Variants in LRMDA observed in about 807,000 individuals in gnomAD.
LRMDA encodes leucine rich melanocyte differentiation associated.
LRMDA carries 18 observed loss-of-function variants against 29.8 expected under a neutral mutation model. The ratio of observed to expected loss-of-function variants is 0.60; its 90% confidence interval spans 0.42 to 0.90. LRMDA has a LOEUF of 0.90. Among genes scored for constraint, LRMDA ranks in the 40% least tolerant of loss-of-function variants. The pLI, the probability that LRMDA is intolerant of heterozygous loss-of-function variation, is 0.00. For synonymous variants in LRMDA, 125 were observed against 109.4 expected, an observed-to-expected ratio of 1.14 and a Z score of -0.89; for missense variants, 273 against 273.9, an observed-to-expected ratio of 1.00 and a Z score of 0.02.
chr10:76,554,867 G>A (rs1843535256), intron 6 of LRMDA, among the ~76,000 whole-genome samples: 1 of 47,334 alleles, frequency 2.1e-5, no homozygotes, highest in Non-Finnish European at 7.4e-5. Context: ...ACTCATGGTG[G>A]GTGGTGTGTG....
intron 2 of LRMDA, among the ~76,000 whole-genome samples, chr10:76,031,793 C>G (rs188216889): frequency 6.6e-6 from 1 of 151,596 alleles, no homozygotes; most frequent in African/African-American, 2.4e-5. Flanking sequence ...GGAGATCTTG[C>G]TTTCTTGATT....
chr10:76,502,903 C>T (rs1192357893), intron 6 of LRMDA, among the ~76,000 whole-genome samples: 1 of 151,890 alleles, frequency 6.6e-6, no homozygotes, highest in Non-Finnish European at 1.5e-5. Flanking sequence ...TGACTGATTG[C>T]TCTGGCTAGG....
chr10:76,373,012 C>A (rs946031161), intron 6 of LRMDA, among the ~76,000 whole-genome samples: 2 of 152,100 alleles, frequency 1.3e-5, no homozygotes, highest in Non-Finnish European at 2.9e-5. Context: ...TTCAGGTGCT[C>A]ATTGCATATA....
intron 5 of LRMDA, among the ~76,000 whole-genome samples, chr10:76,165,738 C>T (rs964274212): frequency 1.1e-4 from 17 of 152,104 alleles, no homozygotes; most frequent in Admixed American, 7.2e-4. Flanking sequence ...CACCAGATAT[C>T]GTGAGAACTC....
intron 3 of LRMDA, among the ~76,000 whole-genome samples, chr10:76,045,660 T>C (rs1848427117): frequency 6.6e-6 from 1 of 152,118 alleles, no homozygotes; most frequent in Admixed American, 6.5e-5. Flanking sequence ...ACATGTGAGC[T>C]TCAAATATCT....
intron 3 of LRMDA, among the ~76,000 whole-genome samples, chr10:76,039,200 T>A (rs1848302268): frequency 1.3e-5 from 2 of 152,260 alleles, no homozygotes; most frequent in African/African-American, 4.8e-5. Flanking sequence ...AGGGTGTATG[T>A]ATAAAGAAGC....
chr10:75,503,604 T>TGG (rs774043849), intron 2 of LRMDA, among the ~76,000 whole-genome samples: 4 of 152,126 alleles, frequency 2.6e-5, no homozygotes, highest in African/African-American at 9.7e-5. Context: ...TTTGTCACCC[T>TGG]CTGTTACCTT....
intron 5 of LRMDA, among the ~76,000 whole-genome samples, chr10:76,222,592 G>A (rs559240691): frequency 0.01 from 1,532 of 152,260 alleles, 25 homozygotes; most frequent in African/African-American, 0.031. Context: ...CACCAGTTAG[G>A]ATGGCAATCA....
At chr10:76,308,971 T>A (rs1445987236) in intron 5 of LRMDA, among the ~76,000 whole-genome samples, 2 of 152,096 alleles carry the variant, frequency 1.3e-5, no homozygotes, top group Non-Finnish European at 2.9e-5. Flanking sequence ...AAGAATGGCA[T>A]TTCAGGCCAG....
chr10:76,243,206 C>G (rs189785622), intron 5 of LRMDA, among the ~76,000 whole-genome samples: 29 of 152,200 alleles, frequency 1.9e-4, no homozygotes, highest in Non-Finnish European at 3.4e-4. Flanking sequence ...TTGATGTTTA[C>G]TCATGATTGC....
intron 2 of LRMDA, among the ~76,000 whole-genome samples, chr10:75,610,099 A>G (rs576960509): frequency 6.6e-6 from 1 of 152,310 alleles, no homozygotes; most frequent in Admixed American, 6.5e-5. Flanking sequence ...CAGCTTTATC[A>G]CTTAAAAAAT....
intron 2 of LRMDA, among the ~76,000 whole-genome samples, chr10:75,573,993 T>A (rs528842199): frequency 6.6e-6 from 1 of 152,120 alleles, no homozygotes; most frequent in East Asian, 1.9e-4. Context: ...GCCTTTTTTT[T>A]TTTCTGCCCA....
chr10:75,928,231 C>T (rs1846152595), intron 2 of LRMDA, among the ~76,000 whole-genome samples: 4 of 150,904 alleles, frequency 2.7e-5, no homozygotes, highest in Admixed American at 2.6e-4. Context: ...ACAATGGAGG[C>T]TGGGTGGGGT....
At chr10:75,648,423 C>T (rs1247047885) in intron 2 of LRMDA, among the ~76,000 whole-genome samples, 1 of 152,202 alleles carries the variant, frequency 6.6e-6, no homozygotes, top group Non-Finnish European at 1.5e-5. Flanking sequence ...TGTTTTTTTC[C>T]TGTGTCCTAT....
chr10:75,748,066 A>G (rs1842910039), intron 2 of LRMDA, among the ~76,000 whole-genome samples: 2 of 152,112 alleles, frequency 1.3e-5, no homozygotes, highest in African/African-American at 4.8e-5. Context: ...ATACTTAAAT[A>G]TTTAAGTAAC....
chr10:75,915,613 C>T (rs575155772), intron 2 of LRMDA, among the ~76,000 whole-genome samples: 2 of 152,274 alleles, frequency 1.3e-5, no homozygotes, highest in Admixed American at 1.3e-4. Flanking sequence ...ATCCAGATCA[C>T]AGTTTGTAGG....
chr10:75,914,320 G>A (rs1207713458), intron 2 of LRMDA, among the ~76,000 whole-genome samples: 1 of 152,132 alleles, frequency 6.6e-6, no homozygotes. Context: ...TCTCCTATTC[G>A]TGTTACTTTA....
intron 2 of LRMDA, among the ~76,000 whole-genome samples, chr10:75,681,482 G>A (rs1564538428): frequency 6.6e-6 from 1 of 152,202 alleles, no homozygotes; most frequent in African/African-American, 2.4e-5. Flanking sequence ...GCTCCAGGGT[G>A]CAGGACAGCC....
At chr10:75,662,161 A>G (rs965771339) in intron 2 of LRMDA, among the ~76,000 whole-genome samples, 1 of 151,300 alleles carries the variant, frequency 6.6e-6, no homozygotes, top group Non-Finnish European at 1.5e-5. Flanking sequence ...ATTGTCATTC[A>G]TTTTACATTT....
Sources: allele counts gnomAD v4.1 joint callset (sites outside exome capture counted in the v4.1 genomes callset), GRCh38; gene constraint gnomAD v4.1.1; transcripts MANE v1.5; gene names NCBI Gene and HGNC (gene_info 2026-07-23, HGNC 2026-07-21).